MGAM2: variants seen among roughly 807,000 people sequenced by gnomAD.
MGAM2 encodes the protein probable maltase-glucoamylase 2.
A neutral mutation model predicts 96.1 loss-of-function variants in MGAM2; 98 were observed. The observed-to-expected ratio is 1.02, with a 90% CI of 0.87 to 1.21. MGAM2 has a LOEUF of 1.21. MGAM2 is among the 50% of genes most tolerant of loss of function. The pLI is 0.00. For missense variants in MGAM2, 2,055 were observed against 1,182.4 expected (o/e 1.74, Z -10.82); for synonymous variants, 749 against 414.8 (o/e 1.81, Z -9.79).
At chr7:142,187,863 A>C (rs1012780521) in intron 36 of MGAM2, 29 bp downstream of exon 36, 1 of 697,746 alleles carries the variant, frequency 1.4e-6, no homozygotes, top group Admixed American at 2.0e-5. Context: ...TCATCAACTT[A>C]CTTTCCTACT....
chr7:142,167,809 C>T (rs1457508014), intron 26 of MGAM2, among the ~76,000 whole-genome samples: 2 of 152,088 alleles, frequency 1.3e-5, no homozygotes, highest in Non-Finnish European at 2.9e-5. Context: ...TAACCTCAAG[C>T]AATCCACCTC....
intron 45 of MGAM2, among the ~76,000 whole-genome samples, chr7:142,206,439 G>A (rs1205670062): frequency 1.3e-5 from 2 of 152,118 alleles, no homozygotes; most frequent in Admixed American, 1.3e-4. Context: ...ATTGTAAAAT[G>A]TCTCCAGAGA....
rs1797930594 is a variant in MGAM2, at chr7:142,221,592, A to G, written c.7081A>G (p.Thr2361Ala). 1 of 504,774 alleles carries G rather than the reference A, an allele frequency of 2.0e-6. No homozygotes were observed. Among genetic ancestry groups the G allele is most frequent in the Non-Finnish European group, 3.5e-6 (1 of 289,536 alleles). The allele number at this position is 504,774 out of a possible 1,614,324, so 31.3% of individuals were successfully genotyped here. A position where few individuals can be genotyped will look rare whatever the true frequency, so the allele number is the denominator to read the frequency against. Residue 2361 changes from threonine to alanine, a missense_variant, in exon 48 of 48, where the codon ACC (threonine) becomes GCC (alanine). Transcript: ENST00000477922. ...GGTAATAGATGCTACGGTCACTACT[A>G]CCAGCACCAAAGATAATACCATGAG... ...TMVIDATVTTTSTKDNTMSPD... is the reference protein window; with the variant it reads ...TMVIDATVTTASTKDNTMSPD...
intron 19 of MGAM2, among the ~76,000 whole-genome samples, chr7:142,158,810 G>T (rs1342073505): frequency 6.6e-6 from 1 of 152,216 alleles, no homozygotes; most frequent in Non-Finnish European, 1.5e-5. Context: ...GTGATTGGGA[G>T]CAGGGGTAAG....
At chr7:142,189,331 A>T (rs984236414) in intron 36 of MGAM2, 36 bp from the exon 37 acceptor site, 1 of 642,180 alleles carries the variant, frequency 1.6e-6, no homozygotes, top group Non-Finnish European at 2.8e-6. Context: ...TGTGCAAATC[A>T]TGTTGTTTAG....
intron 7 of MGAM2, among the ~76,000 whole-genome samples, 173 bp downstream of exon 7, chr7:142,134,325 TA>T (rs914718015): frequency 5.3e-5 from 8 of 152,086 alleles, no homozygotes; most frequent in South Asian, 2.1e-4. Flanking sequence ...ATATTAAAAA[TA>T]AAAAAAATTA....
intron 3 of MGAM2, among the ~76,000 whole-genome samples, chr7:142,129,679 G>A (rs1389085720): frequency 6.6e-6 from 1 of 151,394 alleles, no homozygotes; most frequent in African/African-American, 2.4e-5. Flanking sequence ...ACAAAAATTA[G>A]CCAGGTGTGG....
rs1187125380 is a variant in MGAM2, at chr7:142,220,958, T to G, written c.6447T>G (p.Thr2149=). Residue 2149 remains threonine (T), a synonymous_variant, in exon 48 of 48, where the codon ACT becomes ACG. Coordinates refer to ENST00000477922, the MANE Select transcript of MGAM2 (RefSeq NM_001293626.2). ...TAAGTACTCCTGTTCAAACAAATAC[T>G]ACTAATGCTAGCACTAGTACTAATG... The part of the protein sequence containing the change: ...NNISTPVQTN[T]TNASTSTNVA... 3 of 701,958 alleles carry G rather than the reference T, an allele frequency of 4.3e-6. No individual in the cohort carries two copies. In the Admixed American group the frequency reaches 6.0e-5, roughly 14 times the overall value. 43.5% of individuals were successfully genotyped at this position (701,958 alleles called of 1,614,324 possible).
chr7:142,131,528 C>G lies in MGAM2; in HGVS notation c.321C>G (p.Ala107=), dbSNP rs1237678325. 1 of 702,908 alleles carries G rather than the reference C, an allele frequency of 1.4e-6. No individual in the cohort carries two copies. The highest frequency in any genetic ancestry group is 2.6e-6 in the Non-Finnish European group (1 of 384,924). 43.5% of individuals were successfully genotyped at this position (702,908 alleles called of 1,614,324 possible). A position where few individuals can be genotyped will look rare whatever the true frequency, so the allele number is the denominator to read the frequency against. ...GHTNTSTGFT[A]QLKRLPSPSL... is the part of the protein sequence containing the mutation. The stretch of plus-strand genomic sequence containing the variant: ...TCTTGCCACCCCTAGGATTTACTGC[C>G]CAGTTGAAAAGGTTGCCATCACCAT... Residue 107 remains alanine (A), a synonymous_variant, in exon 5 of 48, where the codon GCC becomes GCG. Coordinates refer to ENST00000477922, the MANE Select transcript of MGAM2 (RefSeq NM_001293626.2).
chr7:142,170,756 G>T (rs950954488), intron 27 of MGAM2, among the ~76,000 whole-genome samples: 1 of 152,152 alleles, frequency 6.6e-6, no homozygotes, highest in Non-Finnish European at 1.5e-5. Context: ...TTTGCCTGGG[G>T]TGAGGTTCCC....
chr7:142,145,383 TC>T (rs1202219470), intron 14 of MGAM2, among the ~76,000 whole-genome samples: 12 of 152,072 alleles, frequency 7.9e-5, no homozygotes, highest in Non-Finnish European at 1.6e-4. Flanking sequence ...CCTTCCTTCT[TC>T]CCTTTTTCCT....
chr7:142,151,911 A>G (rs1283529392), intron 15 of MGAM2, among the ~76,000 whole-genome samples: 2 of 152,196 alleles, frequency 1.3e-5, no homozygotes, highest in Non-Finnish European at 2.9e-5. Context: ...TTTTCATTCA[A>G]TGGGATCTGG....
chr7:142,170,735 A>G (rs939257320), intron 27 of MGAM2, among the ~76,000 whole-genome samples: 1 of 152,126 alleles, frequency 6.6e-6, no homozygotes, highest in Admixed American at 6.5e-5. Flanking sequence ...GAATGAAGTG[A>G]AAGTCTGGAT....
intron 26 of MGAM2, among the ~76,000 whole-genome samples, chr7:142,169,095 G>T (rs1796114970): frequency 6.6e-6 from 1 of 152,176 alleles, no homozygotes; most frequent in African/African-American, 2.4e-5. Context: ...CAATGCTGCT[G>T]CTTTGGGTCT....
At chr7:142,117,079 A>G (rs1817433854) in intron 2 of MGAM2, 100 bp downstream of exon 2, 1 of 663,924 alleles carries the variant, frequency 1.5e-6, no homozygotes, top group African/African-American at 1.8e-5. Context: ...ATGCCACTAC[A>G]TTGCAGTATT....
chr7:142,212,167 C>G (rs527355388), intron 46 of MGAM2, among the ~76,000 whole-genome samples: 21 of 152,176 alleles, frequency 1.4e-4, no homozygotes, highest in Admixed American at 6.5e-4. Flanking sequence ...GATTTGGTCA[C>G]CACTAGGCCT....
chr7:142,171,579 T>A (rs2129090407), intron 28 of MGAM2, 139 bp downstream of exon 28: 1 of 420,848 alleles, frequency 2.4e-6, no homozygotes. Context: ...ATAGAGCACG[T>A]GTCACATTCT....
intron 32 of MGAM2, among the ~76,000 whole-genome samples, chr7:142,181,551 C>T (rs2129094312): frequency 6.6e-6 from 1 of 152,268 alleles, no homozygotes; most frequent in Middle Eastern, 3.4e-3. Context: ...ATTTTTGGTG[C>T]TTGAGGGAGC....
intron 32 of MGAM2, among the ~76,000 whole-genome samples, chr7:142,182,222 CT>C (rs1796565973): frequency 6.6e-6 from 1 of 152,178 alleles, no homozygotes; most frequent in Admixed American, 6.5e-5. Flanking sequence ...GGGCCTGCAG[CT>C]TTGTTTTCTG....
Sources: gnomAD v4.1 joint callset for allele counts (sites outside exome capture counted in the v4.1 genomes callset) on GRCh38, gnomAD v4.1.1 for gene constraint, MANE v1.5 for transcripts, NCBI Gene and HGNC (gene_info 2026-07-23, HGNC 2026-07-21) for gene names.